The following BRD9 variants were observed in gnomAD, a reference collection of about 807,000 sequenced individuals.
The protein encoded by BRD9 is bromodomain containing 9.
BRD9 carries 47 observed loss-of-function variants against 68.7 expected under a neutral mutation model. The observed-to-expected ratio is 0.68, with a 90% confidence interval of 0.54 to 0.87. BRD9 has a LOEUF of 0.87. Ranked by LOEUF, BRD9 falls within the 40% of genes least tolerant of loss-of-function variation. The pLI is 0.00. For missense variants in BRD9, 670 were observed against 748.4 expected (o/e 0.90, Z 1.22); for synonymous variants, 313 against 293.9 (o/e 1.06, Z -0.67).
chr5:889,625 A>G lies in BRD9; in HGVS notation c.423T>C (p.Ile141=). The change falls in exon 4 of 16, where the codon ATT becomes ATC. Residue 141 remains isoleucine (I), a synonymous_variant. Transcript: ENST00000467963. ...GGAGGAAGTGTTCCAGGAGTTGCTG[A>G]ATAGGTGTGCTCTCATTTTCGGCTG... The part of the protein sequence containing the change: ...TQPAENESTP[I]QQLLEHFLRQ... 4 of 1,613,764 alleles carry G rather than the reference A, an allele frequency of 2.5e-6. No homozygotes were observed. Among genetic ancestry groups the G allele is most frequent in the African/African-American group, 1.3e-5 (1 of 74,994 alleles).
chr5:879,393 GA>G (rs1288595761), intron 10 of BRD9: 1 of 15,538 alleles, frequency 6.4e-5, no homozygotes, highest in Admixed American at 5.1e-4. Flanking sequence ...TGGAGAAGTG[GA>G]GGGTGGGGCC....
At chr5:871,864 GT>G (rs1750186299) in intron 12 of BRD9, among the ~76,000 whole-genome samples, 1 of 152,236 alleles carries the variant, frequency 6.6e-6, no homozygotes, top group Non-Finnish European at 1.5e-5. Flanking sequence ...GCAGCCTTGG[GT>G]GGCTTAAAAC....
chr5:877,987 A>G (rs1751211422), intron 11 of BRD9, among the ~76,000 whole-genome samples: 2 of 152,168 alleles, frequency 1.3e-5, no homozygotes, highest in South Asian at 4.1e-4. Context: ...AGCCCTGCCC[A>G]CACCTTCATG....
intron 3 of BRD9, 25 bp from the exon 4 acceptor site, chr5:889,672 T>G: frequency 5.0e-6 from 8 of 1,609,874 alleles, no homozygotes; most frequent in Non-Finnish European, 6.8e-6. Context: ...AAAAAAAAAT[T>G]GAATACAAGA....
At position 864,340 on chromosome 5, in the gene BRD9, T is replaced by G. The variant is rs1274647179; in HGVS notation, c.*128A>C. On this transcript the variant is annotated 3_prime_UTR_variant, in exon 16 of 16. Coordinates refer to ENST00000467963, the MANE Select transcript of BRD9 (RefSeq NM_023924.5). ...TGACATGATACCACAGACAATTCAT[T>G]ACCTCCCCGCGGCTGCTTCCCGCAT... 1 of 693,690 alleles carries G rather than the reference T, an allele frequency of 1.4e-6. No individual in the cohort carries two copies. The highest frequency in any genetic ancestry group is 2.3e-6 in the Non-Finnish European group (1 of 432,104). The allele number at this position is 693,690 out of a possible 1,614,324, so 43.0% of individuals were successfully genotyped here. A position where few individuals can be genotyped will look rare whatever the true frequency, so the allele number is the denominator to read the frequency against.
chr5:878,285 C>T, intron 11 of BRD9, 70 bp downstream of exon 11: 1 of 1,592,410 alleles, frequency 6.3e-7, no homozygotes. Context: ...ACATGTGGGA[C>T]TCCACGTCCC....
rs1276299681 is a variant in BRD9, at chr5:870,569, C to G, written c.1429G>C (p.Asp477His). Residue 477 changes from aspartate (D) to histidine (H), a missense_variant, in exon 14 of 16, where the codon GAC (aspartate) becomes CAC (histidine). By Grantham distance (81) the Asp-to-His change is moderately conservative. This residue lies in a region of BRD9 where 280 missense variants were observed against 281.5 expected (regional missense o/e 0.99). Transcript: ENST00000467963. ...MKPPDEAKVG[D>H]TLGDSSSSVL... ...GAGCTGCTGCTGTCTCCTAGGGTGT[C>G]CCCAACCTGTGGAGACAGACACACA... 1.2e-6 allele frequency: 2 copies of G among 1,612,828 alleles called. No individual in the cohort carries two copies. Among genetic ancestry groups the G allele is most frequent in the Non-Finnish European group, 1.7e-6 (2 of 1,179,046 alleles).
At chr5:886,342 G>A (rs1752562435) in intron 7 of BRD9, among the ~76,000 whole-genome samples, 1 of 152,222 alleles carries the variant, frequency 6.6e-6, no homozygotes, top group African/African-American at 2.4e-5. Context: ...GAGACCACCA[G>A]TCACTAGCAG....
intron 9 of BRD9, 143 bp downstream of exon 9, chr5:880,964 T>C (rs887773321): frequency 3.0e-5 from 24 of 809,292 alleles, no homozygotes; most frequent in African/African-American, 2.2e-4. Flanking sequence ...ACGTGTCACG[T>C]TGGGGTGCGA....
At chr5:868,625 G>C (rs1749698882) in intron 14 of BRD9, 1 of 152,224 alleles carries the variant, frequency 6.6e-6, no homozygotes, top group Non-Finnish European at 1.5e-5. Flanking sequence ...GGGGTGCCCT[G>C]TGACCCCGAG....
intron 6 of BRD9, chr5:886,937 C>G: frequency 4.6e-6 from 3 of 645,344 alleles, no homozygotes; most frequent in Non-Finnish European, 5.2e-6. Context: ...CGCCAGAGCG[C>G]GGCAGGTGCC....
chr5:881,272 G>A (rs1363894880), intron 8 of BRD9, 90 bp from the exon 9 acceptor site: 32 of 1,236,904 alleles, frequency 2.6e-5, no homozygotes, highest in Non-Finnish European at 3.7e-5. Context: ...GCTTAATGGG[G>A]GTGAAAGCAC....
intron 15 of BRD9, 145 bp downstream of exon 15, chr5:865,269 T>G: frequency 8.7e-7 from 1 of 1,148,738 alleles, no homozygotes. Context: ...CAAGGACATC[T>G]GTGGAAACCG....
Position 864,335 on chromosome 5 carries a change from T to G in BRD9, c.*133A>C. The G allele has an allele frequency of 1.5e-6, 1 of 671,892 alleles. No individual in the cohort carries two copies. The highest frequency in any genetic ancestry group is 2.4e-6 in the Non-Finnish European group (1 of 414,680). 41.6% of individuals were successfully genotyped at this position (671,892 alleles called of 1,614,324 possible). ...TCTGCTGACATGATACCACAGACAA[T>G]TCATTACCTCCCCGCGGCTGCTTCC... On this transcript the variant is annotated 3_prime_UTR_variant, in exon 16 of 16. Transcript: ENST00000467963.
chr5:875,999 G>A (rs1379640137), intron 12 of BRD9, 102 bp downstream of exon 12: 30 of 771,080 alleles, frequency 3.9e-5, no homozygotes, highest in South Asian at 2.5e-4. Flanking sequence ...GAGTCCCTGC[G>A]ACAGCTCCTC....
intron 1 of BRD9, chr5:892,294 G>A (rs912017274): frequency 1.7e-5 from 9 of 521,450 alleles, no homozygotes; most frequent in South Asian, 2.8e-5. Flanking sequence ...CGGGAGAAAG[G>A]GCAGCCCAGC....
chr5:871,464 C>T, intron 13 of BRD9, 62 bp downstream of exon 13: 1 of 1,509,930 alleles, frequency 6.6e-7, no homozygotes, highest in Non-Finnish European at 9.2e-7. Context: ...ACCTCAAAGG[C>T]TGGATACAAC....
Position 864,458 on chromosome 5 carries a change from TGG to T in BRD9, c.*8_*9del. 1 of 1,570,438 alleles carries T rather than the reference TGG, an allele frequency of 6.4e-7. No homozygotes were observed. The highest frequency in any genetic ancestry group is 8.7e-7 in the Non-Finnish European group (1 of 1,153,772). On this transcript the variant is annotated 3_prime_UTR_variant, in exon 16 of 16. Coordinates refer to ENST00000467963, the MANE Select transcript of BRD9 (RefSeq NM_023924.5). ...AAAAATAAAATAAAAGAGCTGAAGG[TGG>T]TCTAGAGTTAGGTCTTGGCAGAGGC...
intron 9 of BRD9, among the ~76,000 whole-genome samples, 156 bp downstream of exon 9, chr5:880,951 C>A (rs983480454): frequency 1.3e-5 from 2 of 152,254 alleles, no homozygotes; most frequent in South Asian, 2.1e-4. Context: ...CTCCACTCAG[C>A]GCACGTGTCA....
Sources: gnomAD v4.1 joint callset for allele counts (sites outside exome capture counted in the v4.1 genomes callset) on GRCh38, gnomAD v4.1.1 for gene constraint, gnomAD v4.1.1 regional missense constraint, MANE v1.5 for transcripts, NCBI Gene and HGNC (gene_info 2026-07-23, HGNC 2026-07-21) for gene names.